FBXO42: variants seen among roughly 807,000 people sequenced by gnomAD.
The protein encoded by FBXO42 is F-box only protein 42.
In FBXO42, 12 loss-of-function variants were observed where a neutral mutation model predicts 71.7. That is an observed-to-expected ratio of 0.17 (90% CI 0.11 to 0.27). The LOEUF is 0.27. Ranked by LOEUF, FBXO42 falls within the 10% of genes least tolerant of loss-of-function variation. FBXO42 has a pLI of 1.00. For synonymous variants in FBXO42, 325 were observed against 327.5 expected (o/e 0.99, Z 0.08); for missense variants, 707 against 911.9 (o/e 0.78, Z 2.89).
rs532135575 is a variant in FBXO42, at chr1:16,266,329, T to C, written c.503-9570A>G. 8.6e-5 allele frequency among the ~76,000 whole-genome samples: 13 copies of C among 150,752 alleles called. No homozygotes were observed. In the South Asian group the frequency reaches 2.7e-3, roughly 31 times the overall value. On this transcript the variant is annotated intron_variant, in intron 4 of 9. Coordinates refer to ENST00000375592, the MANE Select transcript of FBXO42 (RefSeq NM_018994.3). The stretch of plus-strand genomic sequence containing the variant: ...AGGAAAAGAGCCATGCTAAAATAAG[T>C]TTGCTAACAGCTAGGCACAGTGGCA...
intron 1 of FBXO42, among the ~76,000 whole-genome samples, chr1:16,326,566 C>T (rs2082454442): frequency 6.6e-6 from 1 of 151,028 alleles, no homozygotes; most frequent in Non-Finnish European, 1.5e-5. Context: ...CACTTGTAGT[C>T]TCAGCTACTC....
At chr1:16,263,794 G>A (rs565105823) in intron 4 of FBXO42, among the ~76,000 whole-genome samples, 3 of 148,578 alleles carry the variant, frequency 2.0e-5, no homozygotes, top group Admixed American at 6.7e-5. Context: ...AAAAACCCAC[G>A]GCCATACATT....
chr1:16,348,908 G>A (rs2082675806), intron 1 of FBXO42, among the ~76,000 whole-genome samples: 1 of 152,082 alleles, frequency 6.6e-6, no homozygotes, highest in Non-Finnish European at 1.5e-5. Flanking sequence ...AGTGCCTCTT[G>A]TACTAGTTTA....
intron 2 of FBXO42, among the ~76,000 whole-genome samples, chr1:16,308,339 C>T (rs1282426692): frequency 2.0e-5 from 3 of 152,082 alleles, no homozygotes; most frequent in Non-Finnish European, 4.4e-5. Context: ...CAGCCTTTTG[C>T]CAGGCTCAGT....
chr1:16,349,702 A>G (rs909556250), intron 1 of FBXO42, among the ~76,000 whole-genome samples: 1 of 152,178 alleles, frequency 6.6e-6, no homozygotes, highest in Non-Finnish European at 1.5e-5. Context: ...CTCTACTAAA[A>G]ATACAAAAAA....
intron 1 of FBXO42, among the ~76,000 whole-genome samples, chr1:16,315,732 C>T (rs2082356917): frequency 1.3e-5 from 2 of 152,126 alleles, no homozygotes; most frequent in African/African-American, 4.8e-5. Flanking sequence ...TCTTCTAACT[C>T]AAGGATCTGA....
Position 16,315,356 on chromosome 1 carries a change from C to G in FBXO42, c.63G>C (p.Val21=), listed in dbSNP as rs145436337. ...CATCTTGATCCATTGTCCCTTCCAG[C>G]ACAGTTTCTTCCTGGTCCACAGCCA... ...SFMAVDQEET[V]LEGTMDQDEE... is the part of the protein sequence containing the mutation. Residue 21 remains valine, a synonymous_variant, in exon 2 of 10, where the codon GTG becomes GTC. Coordinates refer to ENST00000375592, the MANE Select transcript of FBXO42 (RefSeq NM_018994.3). 2.9e-4 allele frequency: 464 copies of G among 1,614,174 alleles called. 2 individuals carry two copies. In the African/African-American group the frequency reaches 5.5e-3, roughly 19 times the overall value.
intron 3 of FBXO42, among the ~76,000 whole-genome samples, chr1:16,301,289 A>C (rs2082191119): frequency 6.6e-6 from 1 of 152,168 alleles, no homozygotes; most frequent in Admixed American, 6.6e-5. Flanking sequence ...TGTTGCACTT[A>C]AGTCCACAAA....
In FBXO42 at chr1:16,262,683, A is replaced by C. The variant is rs145789012; in HGVS notation, c.503-5924T>G. ...CATGGGGTGGTCAGAGATTACGCGG[A>C]TCCATCAATTTTGGCAATTTCTTTT... On this transcript the variant is annotated intron_variant, in intron 4 of 9. Transcript: ENST00000375592. Among the ~76,000 whole-genome samples, 5 of 152,226 alleles carry C rather than the reference A, an allele frequency of 3.3e-5. No individual in the cohort carries two copies. In the East Asian group the frequency reaches 9.7e-4, roughly 29 times the overall value.
At chr1:16,288,156 T>C (rs539231929) in intron 4 of FBXO42, among the ~76,000 whole-genome samples, 10 of 150,890 alleles carry the variant, frequency 6.6e-5, no homozygotes, top group Middle Eastern at 3.5e-3. Flanking sequence ...ACAATAATAA[T>C]AGGCCGGGTG....
At position 16,249,578 on chromosome 1, in the gene FBXO42, G is replaced by A. The variant is rs1443410908; in HGVS notation, c.*1092C>T. ...CAATGTGCTTTGGAAGTAAAAAGAA[G>A]CCCATAGGGAAAAAACAGTATCTTT... On this transcript the variant is annotated 3_prime_UTR_variant, in exon 10 of 10. Transcript: ENST00000375592. The A allele has an allele frequency of 6.6e-6, 1 of 152,132 alleles. No homozygotes were observed. Among genetic ancestry groups the A allele is most frequent in the African/African-American group, 2.4e-5 (1 of 41,428 alleles). 9.4% of individuals were successfully genotyped at this position (152,132 alleles called of 1,614,324 possible).
chr1:16,251,197 C>T lies in FBXO42; in HGVS notation c.1627G>A (p.Val543Met), dbSNP rs141274605. The T allele has an allele frequency of 2.4e-5, 39 of 1,614,008 alleles. No individual in the cohort carries two copies. The highest frequency in any genetic ancestry group is 1.6e-4 in the Middle Eastern group (1 of 6,084). The change falls in exon 10 of 10, where the codon GTG becomes ATG. Residue 543 changes from valine to methionine, a missense_variant. Around this residue, in one of 5 missense-constraint regions of FBXO42, gnomAD observed 482 missense variants for 587.1 expected, o/e 0.82. Coordinates refer to ENST00000375592, the MANE Select transcript of FBXO42 (RefSeq NM_018994.3). The surrounding 1 kb of genome is among the most constrained non-coding windows in gnomAD (Gnocchi z 4.5). ...ACGGCCCCTGCAAGGGCACTGGCCACGTGAGGTGGGGTATGCACACCATTT... is the reference window on the plus strand; with the variant it reads ...ACGGCCCCTGCAAGGGCACTGGCCATGTGAGGTGGGGTATGCACACCATTT... ...QTNGVHTPPH[V>M]ASALAGAVSP... is the part of the protein sequence containing the mutation.
Position 16,326,089 on chromosome 1 carries a change from CTT to C in FBXO42, c.-17-10656_-17-10655del, listed in dbSNP as rs1231968566. 3.1e-5 allele frequency among the ~76,000 whole-genome samples: 4 copies of C among 127,908 alleles called. No individual in the cohort carries two copies. In the East Asian group the frequency reaches 7.7e-4, roughly 25 times the overall value. 83.9% of individuals were successfully genotyped at this position (127,908 alleles called of 152,430 possible). On this transcript the variant is annotated intron_variant, in intron 1 of 9. Transcript: ENST00000375592. ...GTGTGTTTTGAGATGGAATTTCGCTCTTGTTGCCCAGGCTGGAGTGCAATGGC... is the reference window on the plus strand; with the variant it reads ...GTGTGTTTTGAGATGGAATTTCGCTCGTTGCCCAGGCTGGAGTGCAATGGC...
intron 1 of FBXO42, among the ~76,000 whole-genome samples, chr1:16,324,773 G>A (rs1383837665): frequency 4.0e-5 from 6 of 151,876 alleles, no homozygotes; most frequent in African/African-American, 7.3e-5. Flanking sequence ...CCAAGATCGC[G>A]CAACTACACT....
intron 1 of FBXO42, among the ~76,000 whole-genome samples, chr1:16,329,676 G>A (rs529922007): frequency 4.3e-4 from 66 of 152,076 alleles, no homozygotes; most frequent in Middle Eastern, 3.4e-3. Flanking sequence ...AAGGCTGGGT[G>A]CGGTGGCTTA....
intron 4 of FBXO42, among the ~76,000 whole-genome samples, chr1:16,271,515 A>C (rs1057206103): frequency 6.6e-6 from 1 of 151,940 alleles, no homozygotes; most frequent in Non-Finnish European, 1.5e-5. Context: ...TCCTGAACTC[A>C]GATGATCTGC....
At chr1:16,351,977 C>T (rs892185458) in intron 1 of FBXO42, among the ~76,000 whole-genome samples, 2 of 152,156 alleles carry the variant, frequency 1.3e-5, no homozygotes, top group Non-Finnish European at 2.9e-5. Flanking sequence ...GGCCACACAC[C>T]CCTTCACTGC....
At chr1:16,289,299 G>A (rs2082054848) in intron 4 of FBXO42, among the ~76,000 whole-genome samples, 2 of 151,966 alleles carry the variant, frequency 1.3e-5, no homozygotes, top group Admixed American at 6.6e-5. Context: ...AGCTATGCAG[G>A]AGGCCGAGGT....
At chr1:16,269,471 C>T (rs2081815322) in intron 4 of FBXO42, among the ~76,000 whole-genome samples, 1 of 151,904 alleles carries the variant, frequency 6.6e-6, no homozygotes, top group South Asian at 2.1e-4. Flanking sequence ...CATTCTCGTG[C>T]CTCAGCTTCC....
Sources: allele counts gnomAD v4.1 joint callset (sites outside exome capture counted in the v4.1 genomes callset), GRCh38; gene constraint gnomAD v4.1.1; regional missense constraint gnomAD v4.1.1; non-coding constraint Gnocchi (gnomAD v3.1); transcripts MANE v1.5; gene names NCBI Gene and HGNC (gene_info 2026-07-23, HGNC 2026-07-21).